PPHLN1: variants seen among roughly 807,000 people sequenced by gnomAD.
PPHLN1 encodes periphilin 1, also known as periphilin-1.
In PPHLN1, 29 loss-of-function variants were observed where a neutral mutation model predicts 51.3. That is an observed-to-expected ratio of 0.57 (90% CI 0.42 to 0.77). The LOEUF is 0.77. PPHLN1 is among the 30% of genes least tolerant of loss of function. The pLI is 0.00. For missense variants in PPHLN1, 436 were observed against 438.4 expected, an observed-to-expected ratio of 0.99 and a Z score of 0.05; for synonymous variants, 147 against 147.8, an observed-to-expected ratio of 0.99 and a Z score of 0.04.
chr12:42,361,579 C>T (rs777632595), intron 4 of PPHLN1: 26 of 152,112 alleles, frequency 1.7e-4, no homozygotes, highest in African/African-American at 5.8e-4. Context: ...TATTTTGATG[C>T]TTAAATTTGG....
chr12:42,387,615 T>C, intron 7 of PPHLN1, 80 bp downstream of exon 7: 1 of 1,494,680 alleles, frequency 6.7e-7, no homozygotes, highest in African/African-American at 1.4e-5. Context: ...TTTTATTCTT[T>C]ACTGTTATGC....
At chr12:42,354,643 A>C (rs1474614208) in intron 3 of PPHLN1, among the ~76,000 whole-genome samples, 1 of 152,114 alleles carries the variant, frequency 6.6e-6, no homozygotes, top group African/African-American at 2.4e-5. Context: ...AACTTAAATA[A>C]ATTTAAATCT....
At chr12:42,330,298 TACCTC>T (rs1178373013) in intron 1 of PPHLN1, among the ~76,000 whole-genome samples, 1 of 152,184 alleles carries the variant, frequency 6.6e-6, no homozygotes, top group Admixed American at 6.5e-5. Context: ...GCCTTCCTCT[TACCTC>T]AACCGCAAGA....
chr12:42,408,735 A>C (rs940114556), intron 9 of PPHLN1, among the ~76,000 whole-genome samples: 2 of 152,234 alleles, frequency 1.3e-5, no homozygotes, highest in African/African-American at 4.8e-5. Flanking sequence ...TATGTTGCCT[A>C]AGACATTGTC....
At chr12:42,346,797 G>A (rs188265318) in intron 2 of PPHLN1, among the ~76,000 whole-genome samples, 1 of 152,176 alleles carries the variant, frequency 6.6e-6, no homozygotes, top group Non-Finnish European at 1.5e-5. Flanking sequence ...TTAAGGGTGT[G>A]AGGGGATATC....
chr12:42,426,172 C>CACACA (rs2081440159), intron 9 of PPHLN1, among the ~76,000 whole-genome samples: 7 of 122,124 alleles, frequency 5.7e-5, no homozygotes, highest in African/African-American at 2.1e-4. Context: ...AGACTTGACA[C>CACACA]CACACACACA....
At chr12:42,399,518 TA>T in intron 9 of PPHLN1, 2 of 744,394 alleles carry the variant, frequency 2.7e-6, no homozygotes, top group Non-Finnish European at 3.3e-6. Context: ...TTAAATGAAG[TA>T]AATGTGAAAG....
intron 7 of PPHLN1, among the ~76,000 whole-genome samples, chr12:42,389,841 G>GTTAA (rs2077531802): frequency 7.5e-6 from 1 of 133,424 alleles, no homozygotes; most frequent in Non-Finnish European, 1.7e-5. Context: ...AGAAATCTTA[G>GTTAA]TAGGTACATA....
chr12:42,336,319 A>AT (rs912880777), intron 2 of PPHLN1, among the ~76,000 whole-genome samples: 3 of 152,112 alleles, frequency 2.0e-5, no homozygotes, highest in African/African-American at 7.2e-5. Flanking sequence ...GCTGTTACCT[A>AT]TTTTTTTCTA....
chr12:42,437,903 T>C (rs1401520351), intron 9 of PPHLN1, among the ~76,000 whole-genome samples: 1 of 152,164 alleles, frequency 6.6e-6, no homozygotes, highest in Non-Finnish European at 1.5e-5. Flanking sequence ...TTTGTTTTTG[T>C]TTTTTTAATA....
At chr12:42,429,355 C>G (rs934947154) in intron 9 of PPHLN1, among the ~76,000 whole-genome samples, 1 of 152,112 alleles carries the variant, frequency 6.6e-6, no homozygotes, top group Non-Finnish European at 1.5e-5. Flanking sequence ...TATTTTAAGT[C>G]TAAGAATTTG....
intron 4 of PPHLN1, chr12:42,359,305 T>C (rs1313189512): frequency 1.3e-5 from 2 of 152,224 alleles, no homozygotes; most frequent in Non-Finnish European, 2.9e-5. Flanking sequence ...ATTAAATATT[T>C]CTTGTGGTAT....
At chr12:42,355,286 G>C in intron 4 of PPHLN1, 64 bp downstream of exon 4, 1 of 1,370,992 alleles carries the variant, frequency 7.3e-7, no homozygotes, top group Admixed American at 1.7e-5. Context: ...GTCTGCTTTG[G>C]AAATATAGAC....
At chr12:42,389,009 C>T (rs563450455) in intron 7 of PPHLN1, among the ~76,000 whole-genome samples, 4 of 152,170 alleles carry the variant, frequency 2.6e-5, no homozygotes, top group South Asian at 4.1e-4. Context: ...GAGGCTGAGG[C>T]GGGTGGATCA....
At chr12:42,360,521 G>A (rs922200563) in intron 4 of PPHLN1, among the ~76,000 whole-genome samples, 1 of 128,784 alleles carries the variant, frequency 7.8e-6, no homozygotes, top group Non-Finnish European at 1.6e-5. Flanking sequence ...CCCAGGCTGA[G>A]GTCTCACTCT....
downstream of PPHLN1, chr12:42,446,703 T>G (rs932289301): frequency 1.1e-5 from 16 of 1,520,156 alleles, no homozygotes; most frequent in Admixed American, 1.8e-5. Flanking sequence ...AAAGGGGTGA[T>G]GTAGGAGATG....
intron 9 of PPHLN1, chr12:42,399,833 T>C (rs1338072921): frequency 6.6e-6 from 1 of 152,062 alleles, no homozygotes; most frequent in African/African-American, 2.4e-5. Context: ...AGTTTCAAAA[T>C]GAAGGTGGTG....
At chr12:42,428,135 G>C (rs111323874) in intron 9 of PPHLN1, among the ~76,000 whole-genome samples, 5,596 of 152,252 alleles carry the variant, frequency 0.037, 352 homozygotes, top group African/African-American at 0.13. Flanking sequence ...ATGTGGTGAA[G>C]AGGGAACACT....
chr12:42,375,868 A>C (rs1307602292), intron 5 of PPHLN1, among the ~76,000 whole-genome samples: 2 of 152,192 alleles, frequency 1.3e-5, no homozygotes, highest in Non-Finnish European at 2.9e-5. Context: ...GCTCGTTCAC[A>C]TAACAGTTCC....
Sources: gnomAD v4.1 joint callset for allele counts (sites outside exome capture counted in the v4.1 genomes callset) on GRCh38, gnomAD v4.1.1 for gene constraint, MANE v1.5 for transcripts, NCBI Gene and HGNC (gene_info 2026-07-23, HGNC 2026-07-21) for gene names.